APOL1: variants seen among roughly 807,000 people sequenced by gnomAD.
APOL1 encodes apolipoprotein L 1.
Under a neutral mutation model 14.9 loss-of-function variants are expected in APOL1, and 17 were observed. The observed-to-expected ratio is 1.14, with a 90% CI of 0.78 to 1.71. APOL1 has a LOEUF of 1.71. Ranked by LOEUF, APOL1 falls within the 40% of genes most tolerant of loss-of-function variation. The pLI is 0.00. For synonymous variants in APOL1, 195 were observed against 184.8 expected, an observed-to-expected ratio of 1.05 and a Z score of -0.45; for missense variants, 523 against 485.9, an observed-to-expected ratio of 1.08 and a Z score of -0.72.
intron 4 of APOL1, among the ~76,000 whole-genome samples, chr22:36,260,397 C>A (rs136157): frequency 0.69 from 104,892 of 150,976 alleles, 38,797 homozygotes; most frequent in East Asian, 0.82. Flanking sequence ...TCCATCCCCC[C>A]AAAAAAAAGA....
rs2016242682 is a variant in APOL1, at chr22:36,265,903, CA to C, written c.1070del (p.Lys357SerfsTer15). The C allele has an allele frequency of 6.2e-7, 1 of 1,614,104 alleles. No homozygotes were observed. The highest frequency in any genetic ancestry group is 8.5e-7 in the Non-Finnish European group (1 of 1,180,030). ...GATGTAGTCTACCTCGTGTACGAAT[CA>C]AAGCACTTACATGAGGGGGCAAAGT... ...VLDVVYLVYE[S>X]KHLHEGAKSE... is the part of the protein sequence containing the mutation. On this transcript the variant is annotated frameshift_variant, in exon 6 of 6. Coordinates refer to ENST00000397278, the MANE Select transcript of APOL1 (RefSeq NM_003661.4). LOFTEE classifies it low-confidence loss of function (END_TRUNC).
Position 36,266,452 on chromosome 22 carries a change from A to C in APOL1, c.*419A>C. 2.5e-6 allele frequency: 1 copy of C among 405,578 alleles called. No homozygotes were observed. Among genetic ancestry groups the C allele is most frequent in the East Asian group, 3.5e-5 (1 of 28,234 alleles). 25.1% of individuals were successfully genotyped at this position (405,578 alleles called of 1,614,324 possible). The stretch of plus-strand genomic sequence containing the variant: ...GGTAAAGTTTATGGAACTGAGTGTT[A>C]GGGACTTTGGCATTTCCATAGCTGA... On this transcript the variant is annotated 3_prime_UTR_variant, in exon 6 of 6. Coordinates refer to ENST00000397278, the MANE Select transcript of APOL1 (RefSeq NM_003661.4).
intron 4 of APOL1, 101 bp downstream of exon 4, chr22:36,257,508 G>C (rs1359368131): frequency 1.7e-6 from 2 of 1,207,936 alleles, no homozygotes; most frequent in Admixed American, 1.7e-5. Flanking sequence ...GGATGGACTA[G>C]GAGGCCAATG....
chr22:36,257,135 A>G lies in APOL1; in HGVS notation c.97A>G (p.Arg33Gly), dbSNP rs778581142. 1 of 1,614,108 alleles carries G rather than the reference A, an allele frequency of 6.2e-7. No homozygotes were observed. The highest frequency in any genetic ancestry group is 1.1e-5 in the South Asian group (1 of 91,070). Residue 33 changes from arginine to glycine, a missense_variant and splice_region_variant, in exon 3 of 6, where the codon AGG becomes GGG. By Grantham distance (125) the Arg-to-Gly change is moderately radical. Coordinates refer to ENST00000397278, the MANE Select transcript of APOL1 (RefSeq NM_003661.4). ...VGVRAEEAGARVQQNVPSGTD... is the reference protein window; with the variant it reads ...VGVRAEEAGAGVQQNVPSGTD... ...AGTGAGGGCAGAGGAAGCTGGAGCG[A>G]GGTGAGTGTCTGCAAATAGCAGATG...
At chr22:36,255,184 G>A (rs932068812) in intron 2 of APOL1, among the ~76,000 whole-genome samples, 185 bp downstream of exon 2, 3 of 152,248 alleles carry the variant, frequency 2.0e-5, no homozygotes, top group African/African-American at 7.2e-5. Context: ...GAGGCTAACG[G>A]TCAATATCCG....
Position 36,260,397 on chromosome 22 carries a change from C to CAAA in APOL1, c.188-1193_188-1191dup, listed in dbSNP as rs79965685. Among the ~76,000 whole-genome samples the CAAA allele has an allele frequency of 4.2e-3, 628 of 151,062 alleles. 3 individuals are homozygous for CAAA. Among genetic ancestry groups the CAAA allele is most frequent in the Non-Finnish European group, 6.4e-3 (433 of 67,602 alleles). On this transcript the variant is annotated intron_variant, in intron 4 of 5. Coordinates refer to ENST00000397278, the MANE Select transcript of APOL1 (RefSeq NM_003661.4). ...GTGAGAGAGCAAGACTCCATCCCCC[C>CAAA]AAAAAAAAGAATGAGGTCTCTTGTG...
rs772560002 is a variant in APOL1 at position 36,265,204 on chromosome 22, T to C, written c.368T>C (p.Ile123Thr). 1.2e-6 allele frequency: 2 copies of C among 1,614,066 alleles called. No individual in the cohort carries two copies. Among genetic ancestry groups the C allele is most frequent in the Non-Finnish European group, 1.7e-6 (2 of 1,180,020 alleles). ...KALDNLARQMIMKDKNWHDKG... is the reference protein window; with the variant it reads ...KALDNLARQMTMKDKNWHDKG... ...CTGGACAACCTTGCAAGACAAATGATCATGAAAGACAAAAACTGGCACGAT... is the reference window on the plus strand; with the variant it reads ...CTGGACAACCTTGCAAGACAAATGACCATGAAAGACAAAAACTGGCACGAT... Residue 123 changes from isoleucine to threonine, a missense_variant, in exon 6 of 6, where the codon ATC becomes ACC. By Grantham distance (89) the Ile-to-Thr change is moderately conservative (BLOSUM62 -1). Transcript: ENST00000397278.
In APOL1 at chr22:36,266,737, C is replaced by G. The variant is rs1320867699; in HGVS notation, c.*704C>G. Reference sequence around the variant, plus strand: ...TGGCTAACACAGTGAAACCCCGTCTCTACTAAAAATACAAAAAATTAGCCG... The same window carrying G: ...TGGCTAACACAGTGAAACCCCGTCTGTACTAAAAATACAAAAAATTAGCCG... On this transcript the variant is annotated 3_prime_UTR_variant, in exon 6 of 6. Transcript: ENST00000397278. 2 of 334,028 alleles carry G rather than the reference C, an allele frequency of 6.0e-6. No homozygotes were observed. The highest frequency in any genetic ancestry group is 1.1e-5 in the Non-Finnish European group (2 of 184,034). The allele number at this position is 334,028 out of a possible 1,614,324, so 20.7% of individuals were successfully genotyped here. A position where few individuals can be genotyped will look rare whatever the true frequency, so the allele number is the denominator to read the frequency against.
At chr22:36,254,386 A>G (rs1428057720) in intron 1 of APOL1, among the ~76,000 whole-genome samples, 1 of 152,042 alleles carries the variant, frequency 6.6e-6, no homozygotes, top group Non-Finnish European at 1.5e-5. Flanking sequence ...AACACAGGAG[A>G]TGCTGTCTCT....
At chr22:36,257,279 G>A (rs2015914409) in intron 3 of APOL1, 40 bp from the exon 4 acceptor site, 1 of 1,609,502 alleles carries the variant, frequency 6.2e-7, no homozygotes, top group Non-Finnish European at 8.5e-7. Context: ...TCCACTGGTG[G>A]CTCACATTTG....
intron 4 of APOL1, among the ~76,000 whole-genome samples, chr22:36,258,175 C>G (rs1441342889): frequency 6.6e-6 from 1 of 152,082 alleles, no homozygotes; most frequent in Non-Finnish European, 1.5e-5. Flanking sequence ...TTAGGGCACC[C>G]GCCCTGCCCT....
intron 4 of APOL1, chr22:36,257,628 T>C: frequency 2.4e-6 from 1 of 413,588 alleles, no homozygotes; most frequent in Middle Eastern, 7.7e-4. Flanking sequence ...GGTGCCCACT[T>C]CCTCCCTACC....
At chr22:36,257,617 A>C in intron 4 of APOL1, 1 of 471,286 alleles carries the variant, frequency 2.1e-6, no homozygotes, top group Non-Finnish European at 3.9e-6. Flanking sequence ...GACACGGCCC[A>C]GGTGCCCACT....
chr22:36,254,895 CAGG>C, intron 1 of APOL1, 39 bp from the exon 2 acceptor site: 1 of 1,611,110 alleles, frequency 6.2e-7, no homozygotes, highest in Admixed American at 1.7e-5. Context: ...GGTGATTTCT[CAGG>C]AGGAGCACAC....
chr22:36,261,576 C>T lies in APOL1; in HGVS notation c.188-20C>T. On this transcript the variant is annotated intron_variant, in intron 4 of 5. Transcript: ENST00000397278. ...CTCCCACACTTTCCTCCAACCTTAT[C>T]CTTTCTTCTTTCCAACTAGAGAGCA... 6.2e-7 allele frequency: 1 copy of T among 1,609,426 alleles called. No individual in the cohort carries two copies. Among genetic ancestry groups the T allele is most frequent in the Non-Finnish European group, 8.5e-7 (1 of 1,176,212 alleles).
chr22:36,259,915 A>C (rs918683820), intron 4 of APOL1: 1 of 1,296,252 alleles, frequency 7.7e-7, no homozygotes, highest in African/African-American at 1.5e-5. Context: ...AAATAGCCCC[A>C]CAGGTAAGCT....
At chr22:36,254,805 G>T in intron 1 of APOL1, 132 bp from the exon 2 acceptor site, 2 of 1,156,478 alleles carry the variant, frequency 1.7e-6, no homozygotes, top group South Asian at 2.6e-5. Flanking sequence ...AGAGCTTGTA[G>T]CGAGCCTAGA....
chr22:36,254,046 T>C, intron 1 of APOL1: 2 of 1,602,410 alleles, frequency 1.2e-6, no homozygotes, highest in Non-Finnish European at 1.7e-6. Flanking sequence ...AGAAGGAGAA[T>C]CAAACCTGGA....
At chr22:36,254,081 C>G in intron 1 of APOL1, 1 of 1,500,760 alleles carries the variant, frequency 6.7e-7, no homozygotes. Context: ...TAAAATCAAA[C>G]ATTTTTGCTT....
Sources: gnomAD v4.1 joint callset for allele counts (sites outside exome capture counted in the v4.1 genomes callset) on GRCh38, gnomAD v4.1.1 for gene constraint, MANE v1.5 for transcripts, NCBI Gene and HGNC (gene_info 2026-07-23, HGNC 2026-07-21) for gene names.